MACROD2: variants seen among roughly 807,000 people sequenced by gnomAD.
MACROD2 encodes the protein ADP-ribose glycohydrolase MACROD2.
In MACROD2, 36 loss-of-function variants were observed where a neutral mutation model predicts 70.4. The ratio of observed to expected loss-of-function variants is 0.51; its 90% confidence interval spans 0.39 to 0.68. The LOEUF (loss-of-function observed/expected upper bound fraction) is 0.68. Among genes scored for constraint, MACROD2 ranks in the 30% least tolerant of loss-of-function variants. The pLI, the probability that MACROD2 is intolerant of heterozygous loss-of-function variation, is 0.00. For synonymous variants in MACROD2, 172 were observed against 178.8 expected (o/e 0.96, Z 0.30); for missense variants, 496 against 538.4 (o/e 0.92, Z 0.78).
intron 5 of MACROD2, among the ~76,000 whole-genome samples, chr20:14,816,453 A>G (rs528116875): frequency 6.6e-6 from 1 of 152,244 alleles, no homozygotes; most frequent in African/African-American, 2.4e-5. Flanking sequence ...GACAAATTAC[A>G]GAAGACCTTC....
At chr20:15,720,207 C>T (rs2050768519) in intron 8 of MACROD2, among the ~76,000 whole-genome samples, 1 of 152,128 alleles carries the variant, frequency 6.6e-6, no homozygotes, top group Non-Finnish European at 1.5e-5. Flanking sequence ...TGTTGTTGGA[C>T]ACTTAGGTTA....
At chr20:14,014,071 C>T (rs1180786843) in intron 2 of MACROD2, among the ~76,000 whole-genome samples, 2 of 152,146 alleles carry the variant, frequency 1.3e-5, no homozygotes, top group African/African-American at 4.8e-5. Flanking sequence ...AACTTCATCA[C>T]ATAGTCTACT....
intron 12 of MACROD2, among the ~76,000 whole-genome samples, chr20:15,950,804 G>A (rs2281418): frequency 0.095 from 14,480 of 152,164 alleles, 869 homozygotes; most frequent in East Asian, 0.25. Context: ...AAAGTTAAGT[G>A]GTTTTTCTGT....
intron 8 of MACROD2, among the ~76,000 whole-genome samples, chr20:15,765,571 A>G (rs2051509577): frequency 6.6e-6 from 1 of 152,158 alleles, no homozygotes; most frequent in Non-Finnish European, 1.5e-5. Context: ...GAATATTTTT[A>G]TTTTTCAATC....
At chr20:15,705,748 G>A (rs761760980) in intron 8 of MACROD2, among the ~76,000 whole-genome samples, 2 of 152,146 alleles carry the variant, frequency 1.3e-5, no homozygotes, top group African/African-American at 2.4e-5. Flanking sequence ...AAATATCAAT[G>A]AAGACCAATT....
chr20:14,908,317 G>A (rs1232974237), intron 5 of MACROD2, among the ~76,000 whole-genome samples: 1 of 151,580 alleles, frequency 6.6e-6, no homozygotes, highest in Admixed American at 6.6e-5. Flanking sequence ...CTCCAGCCTG[G>A]GTGACCGAGC....
At chr20:15,396,438 C>T (rs2045860981) in intron 6 of MACROD2, among the ~76,000 whole-genome samples, 1 of 152,102 alleles carries the variant, frequency 6.6e-6, no homozygotes. Flanking sequence ...TAGTGAGCAG[C>T]CTTAATACTG....
chr20:15,975,271 G>A (rs529582768), intron 13 of MACROD2, among the ~76,000 whole-genome samples: 2 of 152,108 alleles, frequency 1.3e-5, no homozygotes, highest in South Asian at 4.1e-4. Context: ...TTCCAAACAC[G>A]CTCGCATAAT....
chr20:15,984,114 A>G lies in MACROD2; in HGVS notation c.986-2613A>G, dbSNP rs1046718222. 9.0e-5 allele frequency among the ~76,000 whole-genome samples: 12 copies of G among 132,824 alleles called. No individual in the cohort carries two copies. In the East Asian group the frequency reaches 2.3e-3, roughly 25 times the overall value. The allele number at this position is 132,824 out of a possible 152,430, so 87.1% of individuals were successfully genotyped here. A position where few individuals can be genotyped will look rare whatever the true frequency, so the allele number is the denominator to read the frequency against. On this transcript the variant is annotated intron_variant, in intron 13 of 17. Transcript: ENST00000684519. ...TTGACCATAAGGTAAGATTTTATAGACTTTTTTTAACTTTTTATAATTTTT... is the reference window on the plus strand; with the variant it reads ...TTGACCATAAGGTAAGATTTTATAGGCTTTTTTTAACTTTTTATAATTTTT...
intron 15 of MACROD2, among the ~76,000 whole-genome samples, chr20:16,015,532 T>A (rs35131822): frequency 0.094 from 14,273 of 152,234 alleles, 666 homozygotes; most frequent in East Asian, 0.13. Flanking sequence ...CATGTAAATT[T>A]TATAATTGGT....
chr20:13,995,683 A>G lies in MACROD2; in HGVS notation c.-81A>G. The G allele has an allele frequency of 3.5e-6, 2 of 575,220 alleles. No homozygotes were observed. Among genetic ancestry groups the G allele is most frequent in the East Asian group, 8.4e-5 (2 of 23,778 alleles). 35.6% of individuals were successfully genotyped at this position (575,220 alleles called of 1,614,324 possible). On this transcript the variant is annotated 5_prime_UTR_variant, in exon 1 of 18. Transcript: ENST00000684519. This position sits in a 1 kb window ranked among gnomAD's most constrained non-coding sequence, Gnocchi z 4.3. ...TTTTCCCTGCTGAGTGCCCCCTCCC[A>G]CCCCTCCCACTCCACACACACCCTG...
At chr20:15,390,621 C>T (rs965160084) in intron 6 of MACROD2, among the ~76,000 whole-genome samples, 1 of 152,008 alleles carries the variant, frequency 6.6e-6, no homozygotes, top group Non-Finnish European at 1.5e-5. Flanking sequence ...CTCTTGATTC[C>T]TATCCATTAC....
intron 8 of MACROD2, among the ~76,000 whole-genome samples, chr20:15,808,478 A>G (rs551034374): frequency 2.5e-4 from 38 of 152,300 alleles, no homozygotes; most frequent in African/African-American, 9.1e-4. Flanking sequence ...TTCTACATGC[A>G]TACACAAAAT....
At chr20:14,243,915 T>C (rs564146261) in intron 3 of MACROD2, among the ~76,000 whole-genome samples, 1 of 152,314 alleles carries the variant, frequency 6.6e-6, no homozygotes, top group East Asian at 1.9e-4. Context: ...TATCACAGCA[T>C]ATGCTAGACA....
intron 3 of MACROD2, among the ~76,000 whole-genome samples, chr20:14,281,927 C>G (rs1452173070): frequency 4.8e-5 from 6 of 124,772 alleles, no homozygotes; most frequent in Admixed American, 7.9e-5. Context: ...AGAGCAGACT[C>G]CCTCTCAAAA....
chr20:14,139,517 T>C lies in MACROD2; in HGVS notation c.271+53789T>C, dbSNP rs1161003432. On this transcript the variant is annotated intron_variant, in intron 3 of 17. Coordinates refer to ENST00000684519, the MANE Select transcript of MACROD2 (RefSeq NM_001351661.2). Reference sequence around the variant, plus strand: ...GGATGGGGAAATTTCCCCATACTTATATATTTTATGTAGAAATAAGAATTG... The same window carrying C: ...GGATGGGGAAATTTCCCCATACTTACATATTTTATGTAGAAATAAGAATTG... Among the ~76,000 whole-genome samples the C allele has an allele frequency of 2.0e-5, 3 of 152,200 alleles. No homozygotes were observed. The South Asian group carries it at 6.2e-4, about 31-fold the overall frequency.
At chr20:15,258,198 T>G (rs2077216701) in intron 6 of MACROD2, among the ~76,000 whole-genome samples, 1 of 152,088 alleles carries the variant, frequency 6.6e-6, no homozygotes, top group African/African-American at 2.4e-5. Context: ...ATTTAAAAAT[T>G]TATACATTAA....
At chr20:14,335,254 G>T (rs528843758) in intron 3 of MACROD2, among the ~76,000 whole-genome samples, 2 of 152,290 alleles carry the variant, frequency 1.3e-5, no homozygotes, top group East Asian at 3.9e-4. Flanking sequence ...AGGGTCTTGT[G>T]TCCCTAGGCA....
rs141679128 is a variant in MACROD2 at position 15,923,718 on chromosome 20, G to A, written c.776-9558G>A. ...TAATTTCCAAGTTACTCCTTTAGAA[G>A]GAAAGCAGGAGATCTTAGACAAGAG... is the stretch of plus-strand genomic sequence containing the variant. On this transcript the variant is annotated intron_variant, in intron 10 of 17. Transcript: ENST00000684519. 2.2e-4 allele frequency among the ~76,000 whole-genome samples: 34 copies of A among 151,178 alleles called. 1 individual carries two copies. Among genetic ancestry groups the A allele is most frequent in the African/African-American group, 6.9e-4 (28 of 40,506 alleles).
Sources: allele counts gnomAD v4.1 joint callset (sites outside exome capture counted in the v4.1 genomes callset), GRCh38; gene constraint gnomAD v4.1.1; non-coding constraint Gnocchi (gnomAD v3.1); transcripts MANE v1.5; gene names NCBI Gene and HGNC (gene_info 2026-07-23, HGNC 2026-07-21).